The following MYRIP variants were observed in gnomAD, a reference collection of about 807,000 sequenced individuals.
MYRIP encodes myosin VIIA and Rab interacting protein.
Under a neutral mutation model 98.0 loss-of-function variants are expected in MYRIP, and 49 were observed. The ratio of observed to expected loss-of-function variants is 0.50; its 90% CI spans 0.40 to 0.63. The LOEUF (loss-of-function observed/expected upper bound fraction) is 0.63, where lower values mean the gene tolerates loss of function less well. Ranked by LOEUF, MYRIP falls within the 30% of genes least tolerant of loss-of-function variation. The probability of loss-of-function intolerance (pLI) is 0.00; values close to 1 mark genes in which losing one functional copy is unlikely to be tolerated. For missense variants in MYRIP, 1,004 were observed against 1,058.2 expected (o/e 0.95, Z 0.71); for synonymous variants, 404 against 409.5 (o/e 0.99, Z 0.16).
upstream of MYRIP, among the ~76,000 whole-genome samples, chr3:39,809,376 GC>G (rs1329743255): frequency 6.7e-6 from 1 of 149,666 alleles, no homozygotes; most frequent in Non-Finnish European, 1.5e-5. Context: ...GCCCTGCCCC[GC>G]CTCCTCCCGG....
chr3:40,142,115 C>T (rs777615429), intron 3 of MYRIP, among the ~76,000 whole-genome samples: 7 of 140,366 alleles, frequency 5.0e-5, no homozygotes, highest in South Asian at 2.3e-4. Context: ...TGCAATGGCT[C>T]GATCTCTGCT....
intron 2 of MYRIP, among the ~76,000 whole-genome samples, chr3:39,974,465 C>T (rs1478154900): frequency 3.9e-5 from 6 of 152,136 alleles, no homozygotes; most frequent in African/African-American, 1.4e-4. Context: ...CAAATTCTAC[C>T]AGAGGTACAA....
At chr3:40,116,550 G>T (rs1949284568) in intron 3 of MYRIP, among the ~76,000 whole-genome samples, 1 of 152,178 alleles carries the variant, frequency 6.6e-6, no homozygotes, top group Admixed American at 6.5e-5. Flanking sequence ...TCTGAATTCA[G>T]CAGTCTTCAC....
rs185020148 is a variant in MYRIP, at chr3:40,210,475, G to A, written c.1905+382G>A. 8.7e-4 allele frequency among the ~76,000 whole-genome samples: 132 copies of A among 152,236 alleles called. 1 individual carries two copies. The highest frequency in any genetic ancestry group is 1.6e-3 in the Admixed American group (25 of 15,294). Reference sequence around the variant, plus strand: ...ATGAAGAATTTTGCCCATGGATTAAGGTCATCTAGCCAACCCCTCTTTTAA... The same window carrying A: ...ATGAAGAATTTTGCCCATGGATTAAAGTCATCTAGCCAACCCCTCTTTTAA... On this transcript the variant is annotated intron_variant, in intron 11 of 16. Coordinates refer to ENST00000302541, the MANE Select transcript of MYRIP (RefSeq NM_015460.4).
chr3:40,165,401 T>TA (rs746396559), intron 5 of MYRIP, among the ~76,000 whole-genome samples: 1 of 152,230 alleles, frequency 6.6e-6, no homozygotes, highest in Non-Finnish European at 1.5e-5. Flanking sequence ...TTTAATTGAG[T>TA]AATTAATGAA....
intron 2 of MYRIP, among the ~76,000 whole-genome samples, chr3:40,008,480 C>G (rs1163337779): frequency 6.6e-6 from 1 of 152,164 alleles, no homozygotes; most frequent in African/African-American, 2.4e-5. Context: ...CTTAGCCAGG[C>G]TGTAAGTCCC....
chr3:40,193,218 A>C (rs1951291270), intron 10 of MYRIP, among the ~76,000 whole-genome samples: 1 of 152,160 alleles, frequency 6.6e-6, no homozygotes, highest in Non-Finnish European at 1.5e-5. Context: ...GACTGTGGGG[A>C]TTGTAGAAGT....
At chr3:40,139,618 T>A (rs1949852588) in intron 3 of MYRIP, among the ~76,000 whole-genome samples, 1 of 152,226 alleles carries the variant, frequency 6.6e-6, no homozygotes, top group Non-Finnish European at 1.5e-5. Context: ...CGCCTTCTGT[T>A]GCCCAGGCTG....
intron 2 of MYRIP, among the ~76,000 whole-genome samples, chr3:39,925,708 CAT>C (rs983629198): frequency 6.6e-6 from 1 of 152,106 alleles, no homozygotes; most frequent in Non-Finnish European, 1.5e-5. Context: ...ATATGTACCA[CAT>C]TTTCTTGATT....
chr3:39,995,136 C>G (rs1316719314), intron 2 of MYRIP, among the ~76,000 whole-genome samples: 1 of 152,178 alleles, frequency 6.6e-6, no homozygotes, highest in Non-Finnish European at 1.5e-5. Flanking sequence ...AGTGCCTCTC[C>G]TCCTCCAAAG....
Position 39,839,011 on chromosome 3 carries a change from A to C in MYRIP, c.-31+29095A>C, listed in dbSNP as rs142158950. On this transcript the variant is annotated intron_variant, in intron 1 of 16. Transcript: ENST00000302541. ...AGTTTATGTGCATAGAGATGTGTAT[A>C]GTATTCTCTGATGGTCAGTGGTGAT... Among the ~76,000 whole-genome samples the C allele has an allele frequency of 1.1e-4, 16 of 152,042 alleles. No homozygotes were observed. In the East Asian group the frequency reaches 3.1e-3, roughly 29 times the overall value.
At chr3:39,921,166 C>T (rs1438391654) in intron 2 of MYRIP, among the ~76,000 whole-genome samples, 2 of 152,092 alleles carry the variant, frequency 1.3e-5, no homozygotes, top group African/African-American at 4.8e-5. Context: ...AATTTTGGGG[C>T]TAAAGTGGAA....
At chr3:40,020,860 A>G (rs542735886) in intron 2 of MYRIP, among the ~76,000 whole-genome samples, 3 of 152,248 alleles carry the variant, frequency 2.0e-5, no homozygotes, top group African/African-American at 7.2e-5. Context: ...GCTAACATGA[A>G]CAAGCTTCAG....
intron 3 of MYRIP, among the ~76,000 whole-genome samples, chr3:40,053,467 A>G (rs948224976): frequency 6.6e-6 from 1 of 152,194 alleles, no homozygotes; most frequent in Non-Finnish European, 1.5e-5. Context: ...GTTCTTTAAT[A>G]TCAATAGATT....
chr3:39,947,466 A>C (rs921733954), intron 2 of MYRIP, among the ~76,000 whole-genome samples: 11 of 152,194 alleles, frequency 7.2e-5, no homozygotes, highest in Non-Finnish European at 1.6e-4. Context: ...GAGAAAGAGA[A>C]ATGAACAATT....
chr3:39,902,596 T>C (rs1270638137), intron 2 of MYRIP, among the ~76,000 whole-genome samples: 1 of 152,198 alleles, frequency 6.6e-6, no homozygotes, highest in African/African-American at 2.4e-5. Context: ...TGTCAATCCA[T>C]ATGACTAACT....
Position 39,901,731 on chromosome 3 carries a change from C to G in MYRIP, c.110+805C>G, listed in dbSNP as rs568431208. 9.5e-4 allele frequency among the ~76,000 whole-genome samples: 145 copies of G among 152,124 alleles called. 2 individuals carry two copies. The Middle Eastern group carries it at 0.031, about 32-fold the overall frequency. ...ACCTGTTTTGCTCACTTTGATTATC[C>G]AACAGCTAGAACAGTGCCCAGCACA... On this transcript the variant is annotated intron_variant, in intron 2 of 16. Transcript: ENST00000302541.
intron 2 of MYRIP, among the ~76,000 whole-genome samples, chr3:39,925,774 T>C (rs993821619): frequency 6.6e-5 from 10 of 152,306 alleles, no homozygotes; most frequent in Non-Finnish European, 1.3e-4. Flanking sequence ...CTATTGTGAA[T>C]AGTGCTGCAA....
intron 3 of MYRIP, among the ~76,000 whole-genome samples, chr3:40,136,297 A>G (rs984702283): frequency 4.6e-5 from 7 of 152,236 alleles, no homozygotes; most frequent in African/African-American, 9.6e-5. Context: ...AGGCCATTAC[A>G]TAATGGTAAA....
Sources: gnomAD v4.1 joint callset for allele counts (sites outside exome capture counted in the v4.1 genomes callset) on GRCh38, gnomAD v4.1.1 for gene constraint, MANE v1.5 for transcripts, NCBI Gene and HGNC (gene_info 2026-07-23, HGNC 2026-07-21) for gene names.